Variants in UBE2Z observed in about 807,000 individuals in gnomAD.
UBE2Z encodes ubiquitin-conjugating enzyme E2 Z.
A neutral mutation model predicts 32.6 loss-of-function variants in UBE2Z; 10 were observed. The ratio of observed to expected loss-of-function variants is 0.31; its 90% CI spans 0.19 to 0.52. UBE2Z has a LOEUF of 0.52. UBE2Z is among the 20% of genes least tolerant of loss of function. UBE2Z has a pLI of 0.97. For synonymous variants in UBE2Z, 183 were observed against 190.8 expected (o/e 0.96, Z 0.34); for missense variants, 343 against 480.9 (o/e 0.71, Z 2.68).
rs921860590 is a variant in UBE2Z at position 48,908,826 on chromosome 17, C to T, written c.317+6C>T. 1.3e-6 allele frequency: 2 copies of T among 1,490,942 alleles called. No homozygotes were observed. Among genetic ancestry groups the T allele is most frequent in the Non-Finnish European group, 8.9e-7 (1 of 1,124,506 alleles). 92.4% of individuals were successfully genotyped at this position (1,490,942 alleles called of 1,614,324 possible). A position where few individuals can be genotyped will look rare whatever the true frequency, so the allele number is the denominator to read the frequency against. On this transcript the variant is annotated splice_donor_region_variant and intron_variant, in intron 1 of 6. Coordinates refer to ENST00000360943, the MANE Select transcript of UBE2Z (RefSeq NM_023079.5). ...TGTCTACTCCGGATCAAGCGGTGAGCCGGGGTTTTTCCTCCCCCAGCCCCG... is the reference window on the plus strand; with the variant it reads ...TGTCTACTCCGGATCAAGCGGTGAGTCGGGGTTTTTCCTCCCCCAGCCCCG...
In UBE2Z at chr17:48,927,301, G is replaced by C. The variant is rs1325450302; in HGVS notation, c.*167G>C. 3 of 719,860 alleles carry C rather than the reference G, an allele frequency of 4.2e-6. No homozygotes were observed. In the East Asian group the frequency reaches 8.2e-5, roughly 20 times the overall value. 44.6% of individuals were successfully genotyped at this position (719,860 alleles called of 1,614,324 possible). On this transcript the variant is annotated 3_prime_UTR_variant, in exon 7 of 7. Coordinates refer to ENST00000360943, the MANE Select transcript of UBE2Z (RefSeq NM_023079.5). The stretch of plus-strand genomic sequence containing the variant: ...TCCCAGGGTGTGGGAGTGGGGGCCT[G>C]TTCCCGGTCTGACCTCCTTGGCACT...
At chr17:48,919,247 G>A (rs2040742791) in intron 4 of UBE2Z, among the ~76,000 whole-genome samples, 1 of 152,104 alleles carries the variant, frequency 6.6e-6, no homozygotes, top group South Asian at 2.1e-4. Context: ...GCCTCCCAAA[G>A]TGCTGGGATT....
chr17:48,908,878 C>G, intron 1 of UBE2Z, 58 bp downstream of exon 1: 1 of 1,114,236 alleles, frequency 9.0e-7, no homozygotes, highest in Middle Eastern at 3.8e-4. Context: ...CTTCCCCGCC[C>G]CCCACCCTCT....
At chr17:48,910,776 T>C in intron 1 of UBE2Z, 32 bp from the exon 2 acceptor site, 1 of 1,553,864 alleles carries the variant, frequency 6.4e-7, no homozygotes. Context: ...TCTTCCTCAC[T>C]CCTTCCCCCA....
intron 1 of UBE2Z, 55 bp from the exon 2 acceptor site, chr17:48,910,753 C>A: frequency 7.4e-7 from 1 of 1,359,138 alleles, no homozygotes; most frequent in Non-Finnish European, 1.1e-6. Flanking sequence ...TCAAGGGATT[C>A]CCCCTTTCCC....
Position 48,915,855 on chromosome 17 carries a change from C to T in UBE2Z, c.579-221C>T, listed in dbSNP as rs1004574894. The T allele has an allele frequency of 3.1e-5, 13 of 416,962 alleles. No individual in the cohort carries two copies. In the African/African-American group the frequency reaches 3.1e-4, roughly 10 times the overall value. 25.8% of individuals were successfully genotyped at this position (416,962 alleles called of 1,614,324 possible). On this transcript the variant is annotated intron_variant, in intron 3 of 6. Transcript: ENST00000360943. ...TCAAAGTTACATAGCTTGCTATTAC[C>T]TGTTCTTTTGCCCCCCCCCCTTGAT... is the stretch of plus-strand genomic sequence containing the variant.
intron 5 of UBE2Z, among the ~76,000 whole-genome samples, 155 bp from the exon 6 acceptor site, chr17:48,922,692 G>A (rs1321527532): frequency 1.3e-5 from 2 of 151,698 alleles, no homozygotes; most frequent in African/African-American, 2.4e-5. Flanking sequence ...GCATGAATCC[G>A]GGAGGCAGAG....
chr17:48,910,980 C>T (rs902445360), intron 2 of UBE2Z, 100 bp downstream of exon 2: 1 of 974,338 alleles, frequency 1.0e-6, no homozygotes. Flanking sequence ...TCCGATTACA[C>T]AGATGAAGAA....
chr17:48,911,050 C>A, intron 2 of UBE2Z, 170 bp downstream of exon 2: 1 of 628,700 alleles, frequency 1.6e-6, no homozygotes, highest in Non-Finnish European at 2.9e-6. Context: ...TGGAGCAGCA[C>A]TTTGAAGAGG....
At position 48,916,261 on chromosome 17, in the gene UBE2Z, T is replaced by TTTTTTTTG. The variant is rs1327898004; in HGVS notation, c.690+81_690+82insGTTTTTTT. 2.9e-4 allele frequency: 193 copies of TTTTTTTTG among 658,210 alleles called. 4 individuals carry two copies. The South Asian group carries it at 5.3e-3, about 18-fold the overall frequency. 40.8% of individuals were successfully genotyped at this position (658,210 alleles called of 1,614,324 possible). A position where few individuals can be genotyped will look rare whatever the true frequency, so the allele number is the denominator to read the frequency against. On this transcript the variant is annotated intron_variant, in intron 4 of 6. Coordinates refer to ENST00000360943, the MANE Select transcript of UBE2Z (RefSeq NM_023079.5). The stretch of plus-strand genomic sequence containing the variant: ...TGTTTGGTTGGTTGGTTTTTTTGTT[T>TTTTTTTTG]TTTTTTTTTTTTGAGACAGAGTCTT...
At position 48,926,993 on chromosome 17, in the gene UBE2Z, T is replaced by C. The variant is rs999919895; in HGVS notation, c.924T>C (p.Phe308=). ...QDPFGEKRGH[F]DYQSLLMRLG... ...CTTTTGGAGAGAAGCGGGGCCACTTTGACTACCAGTCCCTCTTGATGCGCC... is the reference window on the plus strand; with the variant it reads ...CTTTTGGAGAGAAGCGGGGCCACTTCGACTACCAGTCCCTCTTGATGCGCC... The change falls in exon 7 of 7, where the codon TTT becomes TTC. Residue 308 remains phenylalanine (F), a synonymous_variant. Coordinates refer to ENST00000360943, the MANE Select transcript of UBE2Z (RefSeq NM_023079.5). 6.2e-7 allele frequency: 1 copy of C among 1,613,384 alleles called. No individual in the cohort carries two copies. Among genetic ancestry groups the C allele is most frequent in the Non-Finnish European group, 8.5e-7 (1 of 1,179,744 alleles).
At chr17:48,910,993 CA>C (rs2040673147) in intron 2 of UBE2Z, 113 bp downstream of exon 2, 1 of 892,566 alleles carries the variant, frequency 1.1e-6, no homozygotes, top group African/African-American at 1.6e-5. Flanking sequence ...ATGAAGAAAT[CA>C]AGACCCCAGG....
intron 2 of UBE2Z, chr17:48,911,084 A>G: frequency 1.8e-6 from 1 of 564,808 alleles, no homozygotes. Flanking sequence ...TGTACCCCAT[A>G]GGTACTGATT....
At position 48,927,275 on chromosome 17, in the gene UBE2Z, A is replaced by G; in HGVS notation, c.*141A>G. On this transcript the variant is annotated 3_prime_UTR_variant, in exon 7 of 7. Transcript: ENST00000360943. Reference sequence around the variant, plus strand: ...GATGGCAAGAACCAAGCAAGCTCCGATCCCAGGGTGTGGGAGTGGGGGCCT... The same window carrying G: ...GATGGCAAGAACCAAGCAAGCTCCGGTCCCAGGGTGTGGGAGTGGGGGCCT... The G allele has an allele frequency of 2.2e-6, 2 of 922,092 alleles. No homozygotes were observed. Among genetic ancestry groups the G allele is most frequent in the Non-Finnish European group, 3.2e-6 (2 of 621,202 alleles). The allele number at this position is 922,092 out of a possible 1,614,324, so 57.1% of individuals were successfully genotyped here. A position where few individuals can be genotyped will look rare whatever the true frequency, so the allele number is the denominator to read the frequency against.
intron 2 of UBE2Z, 117 bp downstream of exon 2, chr17:48,910,997 AC>A: frequency 2.3e-6 from 2 of 857,614 alleles, no homozygotes; most frequent in Non-Finnish European, 3.9e-6. Flanking sequence ...AGAAATCAAG[AC>A]CCCAGGAGAG....
Position 48,908,525 on chromosome 17 carries a change from G to C in UBE2Z, c.22G>C (p.Glu8Gln). MAESPTE[E>Q]AATAGAGAAG... ...AGCGATGGCGGAGAGTCCGACTGAG[G>C]AGGCGGCAACGGCGGGCGCCGGGGC... is the stretch of plus-strand genomic sequence containing the variant. The change falls in exon 1 of 7, where the codon GAG becomes CAG. Residue 8 changes from glutamate to glutamine, a missense_variant. Glu to Gln is a conservative substitution (Grantham distance 29). This residue lies in a region of UBE2Z where 103 missense variants were observed against 96.2 expected (regional missense o/e 1.07). Coordinates refer to ENST00000360943, the MANE Select transcript of UBE2Z (RefSeq NM_023079.5). 8.1e-7 allele frequency: 1 copy of C among 1,237,390 alleles called. No homozygotes were observed. Among genetic ancestry groups the C allele is most frequent in the Non-Finnish European group, 1.0e-6 (1 of 988,916 alleles). The allele number at this position is 1,237,390 out of a possible 1,614,324, so 76.7% of individuals were successfully genotyped here. A position where few individuals can be genotyped will look rare whatever the true frequency, so the allele number is the denominator to read the frequency against.
At chr17:48,923,943 G>C (rs558950837) in intron 6 of UBE2Z, among the ~76,000 whole-genome samples, 1 of 152,158 alleles carries the variant, frequency 6.6e-6, no homozygotes, top group East Asian at 1.9e-4. Flanking sequence ...TGTTGCTCAG[G>C]CTAGAGCAAT....
chr17:48,921,870 AT>A (rs765384716), intron 5 of UBE2Z, among the ~76,000 whole-genome samples: 1 of 151,998 alleles, frequency 6.6e-6, no homozygotes, highest in African/African-American at 2.4e-5. Flanking sequence ...CTCTACAGAA[AT>A]TTTAAAATTA....
intron 4 of UBE2Z, among the ~76,000 whole-genome samples, chr17:48,920,024 A>T (rs1171581991): frequency 6.6e-6 from 1 of 151,672 alleles, no homozygotes; most frequent in Non-Finnish European, 1.5e-5. Context: ...CTACCGAAAA[A>T]CTTTTTTAAA....
Sources: allele counts gnomAD v4.1 joint callset (sites outside exome capture counted in the v4.1 genomes callset), GRCh38; gene constraint gnomAD v4.1.1; regional missense constraint gnomAD v4.1.1; transcripts MANE v1.5; gene names NCBI Gene and HGNC (gene_info 2026-07-23, HGNC 2026-07-21).